Variants in RIPK1 observed in about 807,000 individuals in gnomAD.
RIPK1 encodes receptor-interacting serine/threonine-protein kinase 1.
In RIPK1, 27 loss-of-function variants were observed where a neutral mutation model predicts 62.4. The ratio of observed to expected loss-of-function variants is 0.43; its 90% CI spans 0.32 to 0.60. RIPK1 has a LOEUF of 0.60. Ranked by LOEUF, RIPK1 falls within the 20% of genes least tolerant of loss-of-function variation. The pLI, the probability that RIPK1 is intolerant of heterozygous loss-of-function variation, is 0.07. For missense variants in RIPK1, 735 were observed against 831.0 expected, an observed-to-expected ratio of 0.88 and a Z score of 1.42; for synonymous variants, 287 against 303.2, an observed-to-expected ratio of 0.95 and a Z score of 0.55.
At chr6:3,069,344 G>T (rs948590386) in intron 1 of RIPK1, among the ~76,000 whole-genome samples, 6 of 152,166 alleles carry the variant, frequency 3.9e-5, no homozygotes, top group African/African-American at 1.4e-4. Flanking sequence ...ACCCTAGCAG[G>T]CTTCTGTCAC....
chr6:3,073,141 T>C (rs1758833098), intron 1 of RIPK1, among the ~76,000 whole-genome samples: 2 of 152,112 alleles, frequency 1.3e-5, no homozygotes, highest in Admixed American at 1.3e-4. Context: ...TATATACATA[T>C]ACGTATATAC....
intron 10 of RIPK1, 136 bp from the exon 11 acceptor site, chr6:3,112,917 G>C: frequency 1.5e-6 from 1 of 645,988 alleles, no homozygotes; most frequent in Non-Finnish European, 2.5e-6. Flanking sequence ...TGCATCAACA[G>C]CTATATAACT....
chr6:3,065,774 C>T (rs1758352767), upstream of RIPK1, among the ~76,000 whole-genome samples: 1 of 152,172 alleles, frequency 6.6e-6, no homozygotes, highest in Admixed American at 6.5e-5. Context: ...TGGGCTGTTT[C>T]TTGCCTTTTC....
intron 2 of RIPK1, 62 bp from the exon 3 acceptor site, chr6:3,077,717 T>C: frequency 6.3e-7 from 1 of 1,574,884 alleles, no homozygotes; most frequent in East Asian, 2.2e-5. Flanking sequence ...GTTGGAGGTG[T>C]GCACCAGGCT....
chr6:3,106,120 C>T (rs1483517699), intron 9 of RIPK1, 69 bp downstream of exon 9: 1 of 1,181,498 alleles, frequency 8.5e-7, no homozygotes, highest in Non-Finnish European at 1.2e-6. Flanking sequence ...AACCAAGCAG[C>T]TCTATTATAG....
Position 3,080,517 on chromosome 6 carries a change from T to C in RIPK1, c.322-462T>C, listed in dbSNP as rs536601567. On this transcript the variant is annotated intron_variant, in intron 3 of 10. Coordinates refer to ENST00000259808, the MANE Select transcript of RIPK1 (RefSeq NM_001354930.2). The stretch of plus-strand genomic sequence containing the variant: ...TGTTCCCTTGTATTCTTTTTTCTCT[T>C]AATGTTATTTTACACGCGACATTTG... 2.0e-5 allele frequency among the ~76,000 whole-genome samples: 3 copies of C among 152,316 alleles called. No individual in the cohort carries two copies. The East Asian group carries it at 5.8e-4, about 29-fold the overall frequency.
intron 6 of RIPK1, among the ~76,000 whole-genome samples, chr6:3,087,765 T>G (rs532358110): frequency 7.0e-6 from 1 of 142,444 alleles, no homozygotes; most frequent in African/African-American, 2.6e-5. Flanking sequence ...GGTCTCCATC[T>G]CCTGACCTTG....
chr6:3,078,218 C>G (rs571184798), intron 3 of RIPK1, among the ~76,000 whole-genome samples: 3 of 152,132 alleles, frequency 2.0e-5, no homozygotes, highest in African/African-American at 7.2e-5. Context: ...ACATCTATGC[C>G]TTGATTGGGC....
In RIPK1 at chr6:3,073,317, CT is replaced by C. The variant is rs917201851; in HGVS notation, c.-60-3438del. ...ATACGTATACATACATGAACGTATACTTTTTTTTTCTCATAATCCTTACCAC... is the reference window on the plus strand; with the variant it reads ...ATACGTATACATACATGAACGTATACTTTTTTTTCTCATAATCCTTACCAC... On this transcript the variant is annotated intron_variant, in intron 1 of 10. Coordinates refer to ENST00000259808, the MANE Select transcript of RIPK1 (RefSeq NM_001354930.2). Among the ~76,000 whole-genome samples the C allele has an allele frequency of 9.9e-4, 150 of 150,856 alleles. 1 individual carries two copies. Among genetic ancestry groups the C allele is most frequent in the African/African-American group, 3.4e-3 (141 of 41,132 alleles).
At position 3,105,415 on chromosome 6, in the gene RIPK1, G is replaced by A. The variant is rs1317886700; in HGVS notation, c.1007-67G>A. On this transcript the variant is annotated intron_variant, in intron 8 of 10. Transcript: ENST00000259808. This position sits in a 1 kb window ranked among gnomAD's most constrained non-coding sequence, Gnocchi z 4.5. The stretch of plus-strand genomic sequence containing the variant: ...CTTTGAGATACAGATTCATGACGGC[G>A]CTCAGATTTTATTTTACTTTTTAAT... 11 of 1,237,322 alleles carry A rather than the reference G, an allele frequency of 8.9e-6. No individual in the cohort carries two copies. The highest frequency in any genetic ancestry group is 2.3e-5 in the East Asian group (1 of 42,696). The allele number at this position is 1,237,322 out of a possible 1,614,324, so 76.6% of individuals were successfully genotyped here.
chr6:3,073,730 C>T (rs551958172), intron 1 of RIPK1, among the ~76,000 whole-genome samples: 3 of 152,184 alleles, frequency 2.0e-5, no homozygotes, highest in Admixed American at 6.5e-5. Context: ...GCTGGTTACC[C>T]GGGTCACCTG....
At chr6:3,104,339 C>T in intron 8 of RIPK1, 24 bp downstream of exon 8, 2 of 1,253,824 alleles carry the variant, frequency 1.6e-6, no homozygotes, top group Non-Finnish European at 2.3e-6. Context: ...TGGTCAAAAT[C>T]TATTCATTTA....
At chr6:3,080,001 A>G (rs545241784) in intron 3 of RIPK1, among the ~76,000 whole-genome samples, 197 of 152,316 alleles carry the variant, frequency 1.3e-3, no homozygotes, top group African/African-American at 4.4e-3. Context: ...AAGCAGAAAG[A>G]GAGGAGAGAG....
chr6:3,096,550 GTTTTT>G (rs112979664), intron 7 of RIPK1, among the ~76,000 whole-genome samples: 1 of 98,450 alleles, frequency 1.0e-5, no homozygotes, highest in Admixed American at 1.1e-4. Context: ...AATATCTCAA[GTTTTT>G]TTTTTTTTTT....
intron 7 of RIPK1, among the ~76,000 whole-genome samples, chr6:3,095,785 A>G (rs1760258789): frequency 6.6e-6 from 1 of 152,146 alleles, no homozygotes; most frequent in Non-Finnish European, 1.5e-5. Flanking sequence ...TCCTTTTCTG[A>G]TAATAAGGTA....
chr6:3,081,325 T>C (rs1461938305), intron 4 of RIPK1, among the ~76,000 whole-genome samples: 1 of 152,168 alleles, frequency 6.6e-6, no homozygotes, highest in Non-Finnish European at 1.5e-5. Flanking sequence ...ATAACTCATA[T>C]CTTTTGGGGG....
At chr6:3,097,163 G>A (rs544865989) in intron 7 of RIPK1, among the ~76,000 whole-genome samples, 6 of 152,096 alleles carry the variant, frequency 3.9e-5, no homozygotes, top group African/African-American at 9.7e-5. Context: ...GAGCCACCAC[G>A]CCCAGCCTAT....
intron 7 of RIPK1, among the ~76,000 whole-genome samples, chr6:3,090,021 CAT>C (rs1348497037): frequency 3.3e-5 from 5 of 152,222 alleles, no homozygotes; most frequent in Non-Finnish European, 7.3e-5. Flanking sequence ...TAGCCCAAGA[CAT>C]AATGCTGAGG....
At chr6:3,076,723 T>C (rs1259432623) in intron 1 of RIPK1, 41 bp from the exon 2 acceptor site, 1 of 611,658 alleles carries the variant, frequency 1.6e-6, no homozygotes, top group South Asian at 2.0e-5. Context: ...TATATATATA[T>C]ATAGTCTTGC....
Sources: gnomAD v4.1 joint callset for allele counts (sites outside exome capture counted in the v4.1 genomes callset) on GRCh38, gnomAD v4.1.1 for gene constraint, Gnocchi (gnomAD v3.1) non-coding constraint, MANE v1.5 for transcripts, NCBI Gene and HGNC (gene_info 2026-07-23, HGNC 2026-07-21) for gene names.